Variants in LRRC7 observed in about 807,000 individuals in gnomAD.
The protein encoded by LRRC7 is leucine-rich repeat-containing protein 7.
Under a neutral mutation model 175.7 loss-of-function variants are expected in LRRC7, and 23 were observed. The ratio of observed to expected loss-of-function variants is 0.13; its 90% CI spans 0.09 to 0.19. The LOEUF is 0.19. Ranked by LOEUF, LRRC7 falls within the 10% of genes least tolerant of loss-of-function variation. The probability of loss-of-function intolerance (pLI) is 1.00; values close to 1 mark genes in which losing one functional copy is unlikely to be tolerated. For missense variants in LRRC7, 1,354 were observed against 1,904.7 expected, an observed-to-expected ratio of 0.71 and a Z score of 5.38; for synonymous variants, 685 against 680.9, an observed-to-expected ratio of 1.01 and a Z score of -0.09.
chr1:69,657,110 G>A (rs562107117), intron 1 of LRRC7, among the ~76,000 whole-genome samples: 1 of 151,058 alleles, frequency 6.6e-6, no homozygotes, highest in African/African-American at 2.4e-5. Context: ...TACTTATATT[G>A]TGTGTGTGTG....
chr1:70,083,752 C>G (rs967401638), intron 24 of LRRC7, among the ~76,000 whole-genome samples: 13 of 152,152 alleles, frequency 8.5e-5, no homozygotes, highest in Non-Finnish European at 1.8e-4. Context: ...TGGCCTATCA[C>G]CCTTTTGATA....
chr1:70,053,469 G>A (rs554951541), intron 23 of LRRC7, among the ~76,000 whole-genome samples: 11 of 152,278 alleles, frequency 7.2e-5, no homozygotes, highest in African/African-American at 2.6e-4. Context: ...GGCTTTAACA[G>A]TGTGTTGTAA....
chr1:69,766,042 A>T (rs1461756098), intron 3 of LRRC7, among the ~76,000 whole-genome samples: 2 of 152,156 alleles, frequency 1.3e-5, no homozygotes, highest in Admixed American at 1.3e-4. Context: ...GACCAAAAAA[A>T]AAAAAATGTC....
chr1:69,842,989 A>G (rs1681901882), intron 7 of LRRC7, among the ~76,000 whole-genome samples: 1 of 152,120 alleles, frequency 6.6e-6, no homozygotes, highest in Admixed American at 6.6e-5. Flanking sequence ...ACTTGAGGTC[A>G]GGAGTTTGAG....
At chr1:69,919,109 AT>A (rs1320817179) in intron 7 of LRRC7, among the ~76,000 whole-genome samples, 3 of 152,116 alleles carry the variant, frequency 2.0e-5, no homozygotes, top group African/African-American at 7.2e-5. Flanking sequence ...GTAAGAAATA[AT>A]TTTTTTTAAT....
At chr1:70,022,214 T>C (rs1047449207) in intron 16 of LRRC7, 4 of 152,316 alleles carry the variant, frequency 2.6e-5, no homozygotes, top group Non-Finnish European at 4.4e-5. Flanking sequence ...AGACATCTTT[T>C]TGAACTTGTG....
At chr1:69,753,308 G>T (rs1437407686) in intron 2 of LRRC7, among the ~76,000 whole-genome samples, 1 of 151,478 alleles carries the variant, frequency 6.6e-6, no homozygotes, top group Non-Finnish European at 1.5e-5. Flanking sequence ...GTGTGTGTGT[G>T]TGTGTGTGTG....
Position 69,821,368 on chromosome 1 carries a change from G to A in LRRC7, c.422-4380G>A, listed in dbSNP as rs183525248. ...TCCTGCTTGATCAAGTCTGCTGTGG[G>A]AGTTCTATATTGCATTTTCCATTTC... On this transcript the variant is annotated intron_variant, in intron 4 of 26. Coordinates refer to ENST00000651989, the MANE Select transcript of LRRC7 (RefSeq NM_001370785.2). Among the ~76,000 whole-genome samples, 4 of 152,002 alleles carry A rather than the reference G, an allele frequency of 2.6e-5. No individual in the cohort carries two copies. In the East Asian group the frequency reaches 7.8e-4, roughly 29 times the overall value.
intron 21 of LRRC7, among the ~76,000 whole-genome samples, chr1:70,043,392 G>A (rs1010358410): frequency 2.0e-5 from 3 of 152,146 alleles, no homozygotes; most frequent in African/African-American, 7.2e-5. Context: ...TCAAGCCTAT[G>A]GTAAGCTCAA....
intron 1 of LRRC7, among the ~76,000 whole-genome samples, chr1:69,636,062 T>C (rs1451420861): frequency 1.3e-5 from 2 of 152,070 alleles, no homozygotes; most frequent in African/African-American, 2.4e-5. Flanking sequence ...ATTCATTGAA[T>C]GATTGAATAA....
chr1:70,048,850 A>G (rs956772468), intron 22 of LRRC7, among the ~76,000 whole-genome samples: 2 of 152,086 alleles, frequency 1.3e-5, no homozygotes, highest in Non-Finnish European at 2.9e-5. Context: ...AAGGTTATGG[A>G]TCCAAGAAAA....
intron 7 of LRRC7, among the ~76,000 whole-genome samples, chr1:69,840,826 CTAGAT>C (rs1275598731): frequency 6.6e-6 from 1 of 151,934 alleles, no homozygotes; most frequent in Non-Finnish European, 1.5e-5. Flanking sequence ...CTGTAAATAA[CTAGAT>C]TGCCAAAAGG....
intron 15 of LRRC7, 54 bp from the exon 16 acceptor site, chr1:70,020,951 T>G (rs1657427258): frequency 1.3e-6 from 2 of 1,508,780 alleles, no homozygotes; most frequent in East Asian, 4.7e-5. Flanking sequence ...TATTAAATAC[T>G]TTGTGTAAAA....
chr1:69,985,893 T>G (rs1653895218), intron 9 of LRRC7, among the ~76,000 whole-genome samples: 1 of 152,216 alleles, frequency 6.6e-6, no homozygotes, highest in Non-Finnish European at 1.5e-5. Context: ...TGACGGACAT[T>G]TGGGTTGTCA....
chr1:69,925,475 A>T (rs1647037030), intron 7 of LRRC7, among the ~76,000 whole-genome samples: 1 of 152,100 alleles, frequency 6.6e-6, no homozygotes, highest in African/African-American at 2.4e-5. Flanking sequence ...CCACAATTTC[A>T]GAGGCTGTTA....
At chr1:69,755,148 A>C (rs1670272120) in intron 2 of LRRC7, among the ~76,000 whole-genome samples, 1 of 151,956 alleles carries the variant, frequency 6.6e-6, no homozygotes, top group Non-Finnish European at 1.5e-5. Flanking sequence ...CTAATATGTC[A>C]ACTAAGGAAG....
intron 7 of LRRC7, among the ~76,000 whole-genome samples, chr1:69,925,807 C>T: frequency 6.7e-6 from 1 of 149,284 alleles, no homozygotes; most frequent in Non-Finnish European, 1.5e-5. Context: ...TCCTTCAGTT[C>T]TGCTCTGATT....
At chr1:69,919,728 A>T (rs879149047) in intron 7 of LRRC7, 62 of 1,021,692 alleles carry the variant, frequency 6.1e-5, no homozygotes, top group Non-Finnish European at 8.7e-5. Context: ...GCCTTCAGCA[A>T]AGGTCAGATG....
chr1:69,645,422 T>A (rs1256638545), intron 1 of LRRC7, among the ~76,000 whole-genome samples: 1 of 152,040 alleles, frequency 6.6e-6, no homozygotes, highest in Non-Finnish European at 1.5e-5. Context: ...CTTTCTGTAA[T>A]GTTTCCTTCA....
Sources: allele counts gnomAD v4.1 joint callset (sites outside exome capture counted in the v4.1 genomes callset), GRCh38; gene constraint gnomAD v4.1.1; transcripts MANE v1.5; gene names NCBI Gene and HGNC (gene_info 2026-07-23, HGNC 2026-07-21).